The following CERS6 variants were observed in gnomAD, a reference collection of about 807,000 sequenced individuals.
The protein encoded by CERS6 is LAG1 homolog, ceramide synthase 6.
In CERS6, 26 loss-of-function variants were observed where a neutral mutation model predicts 56.8. That is an observed-to-expected ratio of 0.46 (90% CI 0.34 to 0.63). The LOEUF (loss-of-function observed/expected upper bound fraction) is 0.63, where lower values mean the gene tolerates loss of function less well. CERS6 is among the 30% of genes least tolerant of loss of function. CERS6 has a pLI of 0.01. For synonymous variants in CERS6, 164 were observed against 173.3 expected, an observed-to-expected ratio of 0.95 and a Z score of 0.42; for missense variants, 415 against 467.5, an observed-to-expected ratio of 0.89 and a Z score of 1.04.
chr2:168,590,332 C>T (rs1683642974), intron 3 of CERS6, among the ~76,000 whole-genome samples: 1 of 152,134 alleles, frequency 6.6e-6, no homozygotes, highest in Non-Finnish European at 1.5e-5. Context: ...ATTAGGCTAT[C>T]ATATAAACGA....
chr2:168,718,436 G>T (rs1687281119), intron 8 of CERS6, among the ~76,000 whole-genome samples: 1 of 152,198 alleles, frequency 6.6e-6, no homozygotes, highest in African/African-American at 2.4e-5. Flanking sequence ...CCCACTGAGT[G>T]AGAAACTCTG....
chr2:168,739,578 A>G (rs1446201020), intron 8 of CERS6, among the ~76,000 whole-genome samples: 2 of 152,164 alleles, frequency 1.3e-5, no homozygotes, highest in Admixed American at 6.5e-5. Flanking sequence ...GTGAGTTAAG[A>G]GGAGTGGCAG....
Position 168,547,596 on chromosome 2 carries a change from A to G in CERS6, c.171A>G (p.Arg57=), listed in dbSNP as rs780317964. The G allele has an allele frequency of 8.5e-5, 137 of 1,610,480 alleles. No individual in the cohort carries two copies. In the Middle Eastern group the frequency reaches 9.9e-4, roughly 12 times the overall value. ...ACTTTTTTCTTTTTGTAATTTTTAG[A>G]TTTGTAGCCAAACCGTGCGCCATAG... ...CIFMVRLIFE[R]FVAKPCAIAL... is the part of the protein sequence containing the mutation. The change falls in exon 2 of 10, where the codon AGA becomes AGG. Residue 57 remains arginine, a splice_region_variant and synonymous_variant. Transcript: ENST00000305747.
intron 3 of CERS6, among the ~76,000 whole-genome samples, chr2:168,569,823 C>T (rs140357760): frequency 1.1e-3 from 173 of 152,156 alleles, no homozygotes; most frequent in African/African-American, 4.1e-3. Context: ...CCACTGGATT[C>T]GTAAAATGGG....
At chr2:168,642,234 A>G (rs1476850165) in intron 4 of CERS6, among the ~76,000 whole-genome samples, 1 of 152,032 alleles carries the variant, frequency 6.6e-6, no homozygotes, top group African/African-American at 2.4e-5. Context: ...TTAGCCAGAC[A>G]CTGTGGCTGA....
chr2:168,688,687 G>A (rs1413439603), intron 4 of CERS6, among the ~76,000 whole-genome samples: 1 of 152,182 alleles, frequency 6.6e-6, no homozygotes, highest in East Asian at 1.9e-4. Flanking sequence ...CATTCTGTAT[G>A]AAAGAATATA....
chr2:168,693,863 T>C (rs1364791838), intron 5 of CERS6, among the ~76,000 whole-genome samples: 5 of 152,198 alleles, frequency 3.3e-5, no homozygotes, highest in Admixed American at 2.6e-4. Flanking sequence ...ATTTAGACTT[T>C]AGGATTGCTG....
chr2:168,511,672 CTT>C (rs1465489598), intron 1 of CERS6, among the ~76,000 whole-genome samples: 2 of 152,120 alleles, frequency 1.3e-5, no homozygotes, highest in African/African-American at 4.8e-5. Context: ...AAAATGGACT[CTT>C]TCTAGTTTGT....
intron 1 of CERS6, among the ~76,000 whole-genome samples, chr2:168,516,535 G>C (rs1395033570): frequency 6.6e-6 from 1 of 152,116 alleles, no homozygotes; most frequent in Non-Finnish European, 1.5e-5. Context: ...CAATCTCCCT[G>C]TGCCACAGTG....
At chr2:168,558,800 T>C (rs1275611557) in intron 2 of CERS6, among the ~76,000 whole-genome samples, 1 of 152,026 alleles carries the variant, frequency 6.6e-6, no homozygotes, top group Non-Finnish European at 1.5e-5. Context: ...ACCCAGGAGG[T>C]GGAGCTTGCA....
intron 1 of CERS6, among the ~76,000 whole-genome samples, chr2:168,499,191 A>G (rs1694534294): frequency 6.6e-6 from 1 of 152,196 alleles, no homozygotes; most frequent in African/African-American, 2.4e-5. Flanking sequence ...CCTACAGCCA[A>G]TTAAATATTG....
chr2:168,654,430 C>G (rs1277286936), intron 4 of CERS6, among the ~76,000 whole-genome samples: 1 of 152,074 alleles, frequency 6.6e-6, no homozygotes, highest in Non-Finnish European at 1.5e-5. Context: ...GTGATCCTAG[C>G]TACACGGGAG....
intron 4 of CERS6, among the ~76,000 whole-genome samples, chr2:168,637,601 A>G (rs923877326): frequency 7.9e-5 from 12 of 152,246 alleles, no homozygotes; most frequent in African/African-American, 2.7e-4. Context: ...ATATGAATAT[A>G]TACACATACA....
chr2:168,727,950 G>A (rs1683398228), intron 8 of CERS6, among the ~76,000 whole-genome samples: 1 of 152,216 alleles, frequency 6.6e-6, no homozygotes, highest in South Asian at 2.1e-4. Flanking sequence ...TGTGAAAGAG[G>A]TTAGATGGAA....
At chr2:168,563,891 C>T (rs1357552337) in intron 3 of CERS6, among the ~76,000 whole-genome samples, 1 of 152,046 alleles carries the variant, frequency 6.6e-6, no homozygotes, top group East Asian at 1.9e-4. Flanking sequence ...TTGGGGTGCA[C>T]GGGGGGTTTG....
chr2:168,622,141 A>C (rs1684487059), intron 3 of CERS6, among the ~76,000 whole-genome samples: 1 of 152,244 alleles, frequency 6.6e-6, no homozygotes, highest in Middle Eastern at 3.4e-3. Context: ...GAATCAGCTA[A>C]AGCTCCCCAT....
At position 168,631,383 on chromosome 2, in the gene CERS6, TATATATATTATATA is replaced by T. The variant is rs1305602958; in HGVS notation, c.465+360_465+373del. Among the ~76,000 whole-genome samples, 11 of 136,648 alleles carry T rather than the reference TATATATATTATATA, an allele frequency of 8.0e-5. 1 individual carries two copies. The South Asian group carries it at 8.5e-4, about 11-fold the overall frequency. 89.6% of individuals were successfully genotyped at this position (136,648 alleles called of 152,430 possible). On this transcript the variant is annotated intron_variant, in intron 4 of 9. Coordinates refer to ENST00000305747, the MANE Select transcript of CERS6 (RefSeq NM_203463.3). ...TGTACTCTTCACCAGTAGAAATAAC[TATATATATTATATA>T]ATATATATTATATAATATTATGTAA...
intron 6 of CERS6, among the ~76,000 whole-genome samples, chr2:168,708,130 A>G (rs1687004236): frequency 6.6e-6 from 1 of 152,094 alleles, no homozygotes; most frequent in South Asian, 2.1e-4. Flanking sequence ...AGAAGCTATT[A>G]TATTTTTATA....
chr2:168,503,304 G>A (rs1031875323), intron 1 of CERS6, among the ~76,000 whole-genome samples: 13 of 152,146 alleles, frequency 8.5e-5, no homozygotes, highest in African/African-American at 3.1e-4. Flanking sequence ...TTATCGCAGT[G>A]TGAAAATGGA....
Sources: allele counts gnomAD v4.1 joint callset (sites outside exome capture counted in the v4.1 genomes callset), GRCh38; gene constraint gnomAD v4.1.1; transcripts MANE v1.5; gene names NCBI Gene and HGNC (gene_info 2026-07-23, HGNC 2026-07-21).